SV2B: variants seen among roughly 807,000 people sequenced by gnomAD.
SV2B encodes the protein synaptic vesicle glycoprotein 2B.
Under a neutral mutation model 73.9 loss-of-function variants are expected in SV2B, and 41 were observed. The ratio of observed to expected loss-of-function variants is 0.56; its 90% confidence interval spans 0.43 to 0.72. The LOEUF is 0.72. Ranked by LOEUF, SV2B falls within the 30% of genes least tolerant of loss-of-function variation. The probability of loss-of-function intolerance (pLI) is 0.00; values close to 1 mark genes in which losing one functional copy is unlikely to be tolerated. For missense variants in SV2B, 764 were observed against 857.8 expected, an observed-to-expected ratio of 0.89 and a Z score of 1.37; for synonymous variants, 314 against 314.2, an observed-to-expected ratio of 1.00 and a Z score of 0.01.
chr15:91,149,581 C>T (rs763555816), intron 1 of SV2B, among the ~76,000 whole-genome samples: 1 of 152,194 alleles, frequency 6.6e-6, no homozygotes, highest in African/African-American at 2.4e-5. Flanking sequence ...CAACCTGAAT[C>T]ACTGGGAGCC....
At chr15:91,270,814 GGGGGA>G (rs2048270631) in intron 9 of SV2B, among the ~76,000 whole-genome samples, 1 of 113,490 alleles carries the variant, frequency 8.8e-6, no homozygotes, top group Non-Finnish European at 1.9e-5. Context: ...GTGGATGATG[GGGGGA>G]TGGTGAATCC....
At position 91,185,998 on chromosome 15, in the gene SV2B, A is replaced by G. The variant is rs139703197; in HGVS notation, c.-391-39875A>G. 6.8e-4 allele frequency among the ~76,000 whole-genome samples: 103 copies of G among 152,036 alleles called. 1 individual carries two copies. Among genetic ancestry groups the G allele is most frequent in the African/African-American group, 2.4e-3 (100 of 41,488 alleles). On this transcript the variant is annotated intron_variant, in intron 1 of 12. Coordinates refer to ENST00000394232, the MANE Select transcript of SV2B (RefSeq NM_001323032.3). The stretch of plus-strand genomic sequence containing the variant: ...TCGTTTGTCCCAGGCTGTCCCCCAG[A>G]CCCCTGCTTCTTCTCTCTTCTGTCT...
chr15:91,292,758 T>C lies in SV2B; in HGVS notation c.*206T>C, dbSNP rs1007148432. 1.3e-4 allele frequency: 70 copies of C among 533,698 alleles called. No homozygotes were observed. Among genetic ancestry groups the C allele is most frequent in the African/African-American group, 1.2e-3 (64 of 51,664 alleles). The allele number at this position is 533,698 out of a possible 1,614,324, so 33.1% of individuals were successfully genotyped here. ...ATTTGGGGGTGCCCTGAGCCACCCT[T>C]AGAATCACAGAGCTGCGTGTTTAAC... On this transcript the variant is annotated 3_prime_UTR_variant, in exon 13 of 13. Transcript: ENST00000394232.
intron 2 of SV2B, among the ~76,000 whole-genome samples, chr15:91,237,355 C>T (rs1181593069): frequency 2.0e-5 from 3 of 152,202 alleles, no homozygotes; most frequent in Non-Finnish European, 4.4e-5. Flanking sequence ...CTGTAGCACC[C>T]TGCTCCCAGT....
At chr15:91,116,121 C>G (rs1336558461) in intron 1 of SV2B, among the ~76,000 whole-genome samples, 2 of 152,174 alleles carry the variant, frequency 1.3e-5, no homozygotes, top group Non-Finnish European at 2.9e-5. Context: ...ATTGTTGAAT[C>G]ACAATTATGA....
chr15:91,150,164 A>T (rs984580958), intron 1 of SV2B, among the ~76,000 whole-genome samples: 1 of 151,852 alleles, frequency 6.6e-6, no homozygotes, highest in Non-Finnish European at 1.5e-5. Flanking sequence ...CACCACGCCC[A>T]GCCAATTTTT....
intron 1 of SV2B, among the ~76,000 whole-genome samples, chr15:91,171,425 G>A (rs531572383): frequency 6.6e-6 from 1 of 152,212 alleles, no homozygotes; most frequent in Non-Finnish European, 1.5e-5. Context: ...GGTGGCACAT[G>A]TGTCTTGACT....
chr15:91,109,642 C>G (rs899479247), intron 1 of SV2B, among the ~76,000 whole-genome samples: 1 of 152,104 alleles, frequency 6.6e-6, no homozygotes, highest in Non-Finnish European at 1.5e-5. Flanking sequence ...TCAATGAAGA[C>G]CTTAATTGAA....
chr15:91,165,432 T>A (rs549842747), intron 1 of SV2B, among the ~76,000 whole-genome samples: 69 of 152,330 alleles, frequency 4.5e-4, no homozygotes, highest in African/African-American at 1.6e-3. Context: ...TAACAACAAT[T>A]TACATAGCAC....
In SV2B at chr15:91,197,946, A is replaced by T. The variant is rs74454900; in HGVS notation, c.-391-27927A>T. Among the ~76,000 whole-genome samples the T allele has an allele frequency of 0.21, 31,319 of 152,068 alleles. 5,926 individuals are homozygous for T. Among genetic ancestry groups the T allele is most frequent in the African/African-American group, 0.51 (20,963 of 41,412 alleles). On this transcript the variant is annotated intron_variant, in intron 1 of 12. Coordinates refer to ENST00000394232, the MANE Select transcript of SV2B (RefSeq NM_001323032.3). The surrounding 1 kb of genome is among the most constrained non-coding windows in gnomAD (Gnocchi z 4.9). Reference sequence around the variant, plus strand: ...CTACTTGGCAGGCTGAAGCAGGAGAATCTCTTGAACCTGGGAGGCTGGAGG... The same window carrying T: ...CTACTTGGCAGGCTGAAGCAGGAGATTCTCTTGAACCTGGGAGGCTGGAGG...
At position 91,197,063 on chromosome 15, in the gene SV2B, C is replaced by T. The variant is rs1248165790; in HGVS notation, c.-391-28810C>T. 6.6e-6 allele frequency among the ~76,000 whole-genome samples: 1 copy of T among 152,198 alleles called. No homozygotes were observed. The highest frequency in any genetic ancestry group is 2.4e-5 in the African/African-American group (1 of 41,458). On this transcript the variant is annotated intron_variant, in intron 1 of 12. Coordinates refer to ENST00000394232, the MANE Select transcript of SV2B (RefSeq NM_001323032.3). The surrounding 1 kb of genome is among the most constrained non-coding windows in gnomAD (Gnocchi z 4.9). ...CCTGCCGGCTGTGGCAGCCTTTAGC[C>T]CATAGATGCTGATCTTTGATGTCAG...
rs59849012 is a variant in SV2B, at chr15:91,191,063, C to CTT, written c.-391-34790_-391-34789dup. Among the ~76,000 whole-genome samples the CTT allele has an allele frequency of 1.8e-3, 118 of 64,230 alleles. 12 individuals are homozygous for CTT. Among genetic ancestry groups the CTT allele is most frequent in the East Asian group, 7.8e-3 (10 of 1,290 alleles). 42.1% of individuals were successfully genotyped at this position (64,230 alleles called of 152,430 possible). On this transcript the variant is annotated intron_variant, in intron 1 of 12. Transcript: ENST00000394232. ...TACCCTGGTGGTTTTTTTGGTGTTT[C>CTT]TTTTTTTTTTTTTTTTTTTTTGACA...
intron 2 of SV2B, among the ~76,000 whole-genome samples, 180 bp downstream of exon 2, chr15:91,226,894 A>G (rs995560033): frequency 6.6e-6 from 1 of 152,130 alleles, no homozygotes; most frequent in Non-Finnish European, 1.5e-5. Flanking sequence ...TAAGTATTGG[A>G]GCTTAGGTTT....
intron 1 of SV2B, among the ~76,000 whole-genome samples, chr15:91,176,950 A>G (rs1440103258): frequency 2.0e-5 from 3 of 152,106 alleles, no homozygotes; most frequent in African/African-American, 7.2e-5. Context: ...GGCATTTTAG[A>G]CATGAAGTCC....
intron 9 of SV2B, among the ~76,000 whole-genome samples, chr15:91,272,992 C>G (rs2048367643): frequency 6.6e-6 from 1 of 151,876 alleles, no homozygotes; most frequent in Non-Finnish European, 1.5e-5. Context: ...GCCACCATGC[C>G]CGGCTAGTAT....
chr15:91,197,560 C>CA lies in SV2B; in HGVS notation c.-391-28310dup, dbSNP rs1385158094. Among the ~76,000 whole-genome samples the CA allele has an allele frequency of 2.0e-5, 3 of 150,592 alleles. No individual in the cohort carries two copies. Among genetic ancestry groups the CA allele is most frequent in the African/African-American group, 5.0e-5 (2 of 40,318 alleles). ...TAATAGAAGAAAAAAAAAACCAAACCAAACCAAACAAAACAAAACAAAATC... is the reference window on the plus strand; with the variant it reads ...TAATAGAAGAAAAAAAAAACCAAACCAAAACCAAACAAAACAAAACAAAATC... On this transcript the variant is annotated intron_variant, in intron 1 of 12. Coordinates refer to ENST00000394232, the MANE Select transcript of SV2B (RefSeq NM_001323032.3). This position sits in a 1 kb window ranked among gnomAD's most constrained non-coding sequence, Gnocchi z 4.9.
At chr15:91,266,848 C>T (rs190896055) in intron 7 of SV2B, 156 bp downstream of exon 7, 26 of 556,810 alleles carry the variant, frequency 4.7e-5, no homozygotes, top group Middle Eastern at 3.7e-4. Flanking sequence ...CTCCAGCCCA[C>T]GTCTGCCTCT....
At chr15:91,244,916 T>A (rs779329627) in intron 2 of SV2B, among the ~76,000 whole-genome samples, 1 of 152,252 alleles carries the variant, frequency 6.6e-6, no homozygotes, top group Non-Finnish European at 1.5e-5. Context: ...TTTGAGTCAC[T>A]GCAGGAAAAA....
At chr15:91,180,273 T>A (rs1485154343) in intron 1 of SV2B, among the ~76,000 whole-genome samples, 4 of 152,244 alleles carry the variant, frequency 2.6e-5, no homozygotes, top group Non-Finnish European at 4.4e-5. Context: ...GCTGTTAGTC[T>A]GATGGGCTTC....
Sources: allele counts gnomAD v4.1 joint callset (sites outside exome capture counted in the v4.1 genomes callset), GRCh38; gene constraint gnomAD v4.1.1; non-coding constraint Gnocchi (gnomAD v3.1); transcripts MANE v1.5; gene names NCBI Gene and HGNC (gene_info 2026-07-23, HGNC 2026-07-21).